Variants in DENND3 observed in about 807,000 individuals in gnomAD.
The protein encoded by DENND3 is DENN domain-containing protein 3.
DENND3 carries 88 observed loss-of-function variants against 135.1 expected under a neutral mutation model. The observed-to-expected ratio is 0.65, with a 90% CI of 0.55 to 0.78. DENND3 has a LOEUF of 0.78. Among genes scored for constraint, DENND3 ranks in the 30% least tolerant of loss-of-function variants. The probability of loss-of-function intolerance (pLI) is 0.00; values close to 1 mark genes in which losing one functional copy is unlikely to be tolerated. For synonymous variants in DENND3, 693 were observed against 712.3 expected (o/e 0.97, Z 0.43); for missense variants, 1,392 against 1,688.4 (o/e 0.82, Z 3.08).
In DENND3 at chr8:141,139,217, C is replaced by G. The variant is rs927337203; in HGVS notation, c.501+1080C>G. On this transcript the variant is annotated intron_variant, in intron 3 of 22. Coordinates refer to ENST00000519811, the MANE Select transcript of DENND3 (RefSeq NM_001352890.3). This position sits in a 1 kb window ranked among gnomAD's most constrained non-coding sequence, Gnocchi z 4.2. ...GGCTGGCCTGGATTCCCTCGGAGCC[C>G]GGGACACGTGTTTTTGTTGGTAGAA... is the stretch of plus-strand genomic sequence containing the variant. Among the ~76,000 whole-genome samples the G allele has an allele frequency of 2.0e-5, 3 of 152,028 alleles. No individual in the cohort carries two copies. Among genetic ancestry groups the G allele is most frequent in the Non-Finnish European group, 2.9e-5 (2 of 68,008 alleles).
Position 141,134,462 on chromosome 8 carries a change from A to AT in DENND3, c.103-2041dup, listed in dbSNP as rs1816532693. On this transcript the variant is annotated intron_variant, in intron 1 of 22. Transcript: ENST00000519811. ...AGGCGCCCGCCACCATGCCCGGCTA[A>AT]TTTTTTGTATTTTTAGTAGAGACAG... 2.0e-5 allele frequency among the ~76,000 whole-genome samples: 3 copies of AT among 151,370 alleles called. No individual in the cohort carries two copies. The South Asian group carries it at 6.3e-4, about 32-fold the overall frequency.
Position 141,192,556 on chromosome 8 carries a change from C to T in DENND3, c.3529C>T (p.Arg1177Cys), listed in dbSNP as rs200341701. Residue 1177 changes from arginine (R) to cysteine (C), a missense_variant, in exon 22 of 23, where the codon CGC becomes TGC. By Grantham distance (180) the Arg-to-Cys change is radical (BLOSUM62 -3). Coordinates refer to ENST00000519811, the MANE Select transcript of DENND3 (RefSeq NM_001352890.3). ...GCAGCTGTGGGCGGCCTGTGCAGGA[C>T]GCAGCGAGGTTTACATCTGGAGCCT... ...EEQLWAACAG[R>C]SEVYIWSLKD... The T allele has an allele frequency of 2.1e-5, 34 of 1,584,606 alleles. No homozygotes were observed. In the Middle Eastern group the frequency reaches 6.8e-4, roughly 32 times the overall value.
chr8:141,160,509 C>A, intron 8 of DENND3, 123 bp from the exon 9 acceptor site: 1 of 1,223,844 alleles, frequency 8.2e-7, no homozygotes, highest in Admixed American at 3.0e-5. Flanking sequence ...ACCACCCGCC[C>A]CTCAAATTAT....
In DENND3 at chr8:141,141,275, G is replaced by A. The variant is rs1340719656; in HGVS notation, c.574G>A (p.Val192Met). The change falls in exon 4 of 23, where the codon GTG (valine) becomes ATG (methionine). Residue 192 changes from valine to methionine, a missense_variant. Val to Met is a conservative substitution (Grantham distance 21). Transcript: ENST00000519811. The surrounding 1 kb of genome is among the most constrained non-coding windows in gnomAD (Gnocchi z 5.3). Reference protein sequence around the residue: ...PGCFVPFAVCVVSRFPYYNSL... With the variant: ...PGCFVPFAVCMVSRFPYYNSL... ...CTGCTTCGTGCCCTTCGCGGTGTGC[G>A]TGGTCTCCAGGTTTCCCTATTACAA... The A allele has an allele frequency of 5.6e-6, 9 of 1,614,038 alleles. No individual in the cohort carries two copies. The highest frequency in any genetic ancestry group is 5.9e-6 in the Non-Finnish European group (7 of 1,180,054).
chr8:141,181,078 C>T (rs1006037785), intron 17 of DENND3, among the ~76,000 whole-genome samples: 3 of 152,224 alleles, frequency 2.0e-5, no homozygotes, highest in Non-Finnish European at 4.4e-5. Flanking sequence ...AGAGAGCCCA[C>T]GGGAGATGGA....
rs1815856099 is a variant in DENND3, at chr8:141,130,312, C to A, written c.102+1503C>A. ...CTCCAATTCCTGAGCTCAAGTGATC[C>A]TCCCGCCTCAGCCTTTCAAAGTGCT... On this transcript the variant is annotated intron_variant, in intron 1 of 22. Coordinates refer to ENST00000519811, the MANE Select transcript of DENND3 (RefSeq NM_001352890.3). The surrounding 1 kb of genome is among the most constrained non-coding windows in gnomAD (Gnocchi z 4.2). Among the ~76,000 whole-genome samples the A allele has an allele frequency of 6.6e-6, 1 of 152,196 alleles. No homozygotes were observed. The highest frequency in any genetic ancestry group is 1.5e-5 in the Non-Finnish European group (1 of 68,048).
At position 141,182,203 on chromosome 8, in the gene DENND3, T is replaced by C. The variant is rs558122206; in HGVS notation, c.2944+1349T>C. On this transcript the variant is annotated intron_variant, in intron 17 of 22. Transcript: ENST00000519811. The surrounding 1 kb of genome is among the most constrained non-coding windows in gnomAD (Gnocchi z 5.9). ...AGGTGTCACCCCCTCTCACAGGCCA[T>C]GTCCGCGGCTTCACAGAGCACCTGG... 3.3e-5 allele frequency: 20 copies of C among 608,362 alleles called. No individual in the cohort carries two copies. Among genetic ancestry groups the C allele is most frequent in the African/African-American group, 3.0e-4 (15 of 49,700 alleles). The allele number at this position is 608,362 out of a possible 1,614,324, so 37.7% of individuals were successfully genotyped here.
chr8:141,152,678 G>C (rs1298286764), intron 7 of DENND3, among the ~76,000 whole-genome samples: 1 of 152,164 alleles, frequency 6.6e-6, no homozygotes, highest in Non-Finnish European at 1.5e-5. Flanking sequence ...GACCGTGTGG[G>C]TTGTTTCCAC....
chr8:141,187,286 T>C (rs1411999473), intron 18 of DENND3, among the ~76,000 whole-genome samples: 2 of 151,298 alleles, frequency 1.3e-5, no homozygotes, highest in Non-Finnish European at 2.9e-5. Context: ...AGGGTCCCTC[T>C]CCCATTGCCC....
At chr8:141,171,905 G>C (rs1821624569) in intron 13 of DENND3, among the ~76,000 whole-genome samples, 1 of 151,806 alleles carries the variant, frequency 6.6e-6, no homozygotes, top group Admixed American at 6.6e-5. Context: ...CAGTGGGTGT[G>C]CACAGTGGCC....
intron 8 of DENND3, among the ~76,000 whole-genome samples, chr8:141,156,957 G>A (rs927050791): frequency 2.6e-5 from 4 of 151,682 alleles, no homozygotes; most frequent in Non-Finnish European, 5.9e-5. Context: ...CTAATTTTTT[G>A]TATTTTTAGT....
At chr8:141,159,671 G>T (rs1314592432) in intron 8 of DENND3, among the ~76,000 whole-genome samples, 1 of 152,246 alleles carries the variant, frequency 6.6e-6, no homozygotes, top group Non-Finnish European at 1.5e-5. Context: ...TACAGTAGGT[G>T]CTCAAGAAAT....
chr8:141,166,772 C>A lies in DENND3; in HGVS notation c.1753+383C>A, dbSNP rs1006700194. On this transcript the variant is annotated intron_variant, in intron 12 of 22. Coordinates refer to ENST00000519811, the MANE Select transcript of DENND3 (RefSeq NM_001352890.3). This position sits in a 1 kb window ranked among gnomAD's most constrained non-coding sequence, Gnocchi z 4.3. ...TCTAGAGCCGGAGCTGTGAAGGAGC[C>A]CAGTGCCCCTGCCCTCGTGGAGCTG... is the stretch of plus-strand genomic sequence containing the variant. Among the ~76,000 whole-genome samples, 37 of 152,282 alleles carry A rather than the reference C, an allele frequency of 2.4e-4. No homozygotes were observed. Among genetic ancestry groups the A allele is most frequent in the African/African-American group, 8.7e-4 (36 of 41,554 alleles).
At chr8:141,192,097 A>G (rs1400784680) in intron 20 of DENND3, 3 of 460,036 alleles carry the variant, frequency 6.5e-6, no homozygotes, top group Non-Finnish European at 1.1e-5. Context: ...AAAAATTAAG[A>G]AACTGCCCAT....
In DENND3 at chr8:141,166,911, G is replaced by A. The variant is rs1040920094; in HGVS notation, c.1753+522G>A. ...GCATGGAGAGGCCAAGCCCAGCCTC[G>A]CGCCTTCTTGGGGAGGTACGTCCTG... On this transcript the variant is annotated intron_variant, in intron 12 of 22. Transcript: ENST00000519811. The surrounding 1 kb of genome is among the most constrained non-coding windows in gnomAD (Gnocchi z 4.3). Among the ~76,000 whole-genome samples, 1 of 151,920 alleles carries A rather than the reference G, an allele frequency of 6.6e-6. No individual in the cohort carries two copies. The highest frequency in any genetic ancestry group is 2.4e-5 in the African/African-American group (1 of 41,198).
chr8:141,136,474 G>T (rs1165680099), intron 1 of DENND3, 35 bp from the exon 2 acceptor site: 1 of 1,515,258 alleles, frequency 6.6e-7, no homozygotes, highest in Non-Finnish European at 8.8e-7. Context: ...AAGAGCTGAG[G>T]CTGTGGCAGT....
At chr8:141,159,592 A>C (rs2154613051) in intron 8 of DENND3, among the ~76,000 whole-genome samples, 1 of 152,324 alleles carries the variant, frequency 6.6e-6, no homozygotes, top group African/African-American at 2.4e-5. Flanking sequence ...CTCACATGGA[A>C]GTGCCACGCA....
intron 1 of DENND3, chr8:141,129,686 C>G (rs1025573594): frequency 1.3e-5 from 2 of 152,238 alleles, no homozygotes; most frequent in Non-Finnish European, 2.9e-5. Flanking sequence ...GTCCGTTCAT[C>G]TCTTTGCAGA....
At chr8:141,170,108 A>G (rs1361733779) in intron 13 of DENND3, among the ~76,000 whole-genome samples, 1 of 152,194 alleles carries the variant, frequency 6.6e-6, no homozygotes, top group Non-Finnish European at 1.5e-5. Context: ...CGTCACAAAC[A>G]GTGCACGTGC....
Sources: gnomAD v4.1 joint callset for allele counts (sites outside exome capture counted in the v4.1 genomes callset) on GRCh38, gnomAD v4.1.1 for gene constraint, Gnocchi (gnomAD v3.1) non-coding constraint, MANE v1.5 for transcripts, NCBI Gene and HGNC (gene_info 2026-07-23, HGNC 2026-07-21) for gene names.